AVPR1B: variants seen among roughly 807,000 people sequenced by gnomAD.
AVPR1B encodes the protein vasopressin V1b receptor.
AVPR1B carries 25 observed loss-of-function variants against 27.5 expected under a neutral mutation model. The observed-to-expected ratio is 0.91, with a 90% CI of 0.66 to 1.27. The LOEUF is 1.27. AVPR1B is among the 50% of genes most tolerant of loss of function. The pLI, the probability that AVPR1B is intolerant of heterozygous loss-of-function variation, is 0.00. For synonymous variants in AVPR1B, 248 were observed against 240.2 expected (o/e 1.03, Z -0.30); for missense variants, 595 against 556.9 (o/e 1.07, Z -0.69).
chr1:206,115,557 A>C (rs1396807350), intron 1 of AVPR1B, among the ~76,000 whole-genome samples: 1 of 152,200 alleles, frequency 6.6e-6, no homozygotes, highest in Non-Finnish European at 1.5e-5. Context: ...GCTCAAAGGC[A>C]TGTCCAGGTG....
chr1:206,115,666 A>G (rs1023113958), intron 1 of AVPR1B, among the ~76,000 whole-genome samples: 1 of 152,238 alleles, frequency 6.6e-6, no homozygotes, highest in Non-Finnish European at 1.5e-5. Flanking sequence ...TGGTGGCCAA[A>G]TGTGCTAATG....
In AVPR1B at chr1:206,109,305, G is replaced by C. The variant is rs186217122; in HGVS notation, c.*884C>G. On this transcript the variant is annotated 3_prime_UTR_variant, in exon 2 of 2. Transcript: ENST00000367126. ...CCTTTTCTCAAAGGAGGTCTCCTCT[G>C]TGTAGCCCCCGGGGAAAGAGCAGGC... 6.6e-6 allele frequency among the ~76,000 whole-genome samples: 1 copy of C among 152,118 alleles called. No individual in the cohort carries two copies. The highest frequency in any genetic ancestry group is 2.4e-5 in the African/African-American group (1 of 41,410).
chr1:206,116,105 C>T lies in AVPR1B; in HGVS notation c.786G>A (p.Leu262=), dbSNP rs1663463237. 3 of 1,614,246 alleles carry T rather than the reference C, an allele frequency of 1.9e-6. No homozygotes were observed. The highest frequency in any genetic ancestry group is 1.6e-4 in the Middle Eastern group (1 of 6,062). ...TGTTGATGCTGCTGACCCGAGATGG[C>T]AGCCCCCGAGTGGTGGCAGCTAAGG... The part of the protein sequence containing the change: ...PSTLAATTRG[L]PSRVSSINTI... The change falls in exon 1 of 2, where the codon CTG becomes CTA. Residue 262 remains leucine (L), a synonymous_variant. Coordinates refer to ENST00000367126, the MANE Select transcript of AVPR1B (RefSeq NM_000707.5).
In AVPR1B at chr1:206,117,129, G is replaced by T; in HGVS notation, c.-239C>A. The T allele has an allele frequency of 1.9e-6, 1 of 540,328 alleles. No homozygotes were observed. Among genetic ancestry groups the T allele is most frequent in the African/African-American group, 1.9e-5 (1 of 51,934 alleles). 33.5% of individuals were successfully genotyped at this position (540,328 alleles called of 1,614,324 possible). A position where few individuals can be genotyped will look rare whatever the true frequency, so the allele number is the denominator to read the frequency against. Reference sequence around the variant, plus strand: ...ATCGACCCAGGAGAGGGAGAAGGAGGGGTCAGGAAGATGGGGAATCAGGAC... The same window carrying T: ...ATCGACCCAGGAGAGGGAGAAGGAGTGGTCAGGAAGATGGGGAATCAGGAC... On this transcript the variant is annotated 5_prime_UTR_variant, in exon 1 of 2. Coordinates refer to ENST00000367126, the MANE Select transcript of AVPR1B (RefSeq NM_000707.5).
chr1:206,115,062 C>G (rs1238333428), intron 1 of AVPR1B, among the ~76,000 whole-genome samples: 1 of 152,120 alleles, frequency 6.6e-6, no homozygotes, highest in Non-Finnish European at 1.5e-5. Flanking sequence ...CCTAAAATGA[C>G]CCCATATGAG....
chr1:206,107,212 A>G lies in AVPR1B; in HGVS notation c.*2977T>C, dbSNP rs1663293536. On this transcript the variant is annotated 3_prime_UTR_variant, in exon 2 of 2. Transcript: ENST00000367126. ...GCTTGTACATAGGTTTTAAGGGACT[A>G]AAGTACTGTCATTCACAGTCACAGG... Among the ~76,000 whole-genome samples, 1 of 152,210 alleles carries G rather than the reference A, an allele frequency of 6.6e-6. No individual in the cohort carries two copies. The highest frequency in any genetic ancestry group is 6.5e-5 in the Admixed American group (1 of 15,292).
chr1:206,109,094 T>A lies in AVPR1B; in HGVS notation c.*1095A>T, dbSNP rs566818520. 2.0e-5 allele frequency among the ~76,000 whole-genome samples: 3 copies of A among 152,324 alleles called. No homozygotes were observed. In the East Asian group the frequency reaches 5.8e-4, roughly 29 times the overall value. ...ATGGAAGGTTGGAGTTTAGAGATCA[T>A]CTCACCTATTACACAGGTGAGGAGA... On this transcript the variant is annotated 3_prime_UTR_variant, in exon 2 of 2. Transcript: ENST00000367126.
chr1:206,115,846 G>T, intron 1 of AVPR1B, 105 bp downstream of exon 1: 1 of 1,168,504 alleles, frequency 8.6e-7, no homozygotes, highest in Non-Finnish European at 1.2e-6. Flanking sequence ...TGCCCCACTA[G>T]TTTGTCACCT....
At chr1:206,111,184 T>C (rs1663370834) in intron 1 of AVPR1B, among the ~76,000 whole-genome samples, 1 of 152,184 alleles carries the variant, frequency 6.6e-6, no homozygotes, top group Admixed American at 6.5e-5. Context: ...GGGCAGCTTT[T>C]ACATACTGGG....
At chr1:206,112,868 G>A in intron 1 of AVPR1B, among the ~76,000 whole-genome samples, 1 of 152,240 alleles carries the variant, frequency 6.6e-6, no homozygotes, top group East Asian at 1.9e-4. Flanking sequence ...TCAGTTTCAG[G>A]TATTCCTTTA....
intron 1 of AVPR1B, among the ~76,000 whole-genome samples, chr1:206,111,381 C>G (rs896515546): frequency 2.0e-5 from 3 of 152,216 alleles, no homozygotes; most frequent in African/African-American, 7.2e-5. Context: ...CTCATGTCAG[C>G]AGGAAAGCTG....
In AVPR1B at chr1:206,116,465, G is replaced by T; in HGVS notation, c.426C>A (p.Ser142Arg). The T allele has an allele frequency of 6.2e-7, 1 of 1,613,956 alleles. No individual in the cohort carries two copies. The stretch of plus-strand genomic sequence containing the variant: ...AGGTGGACTGGCCTGGCTGCTGGAG[G>T]CTGCGCAGGGGGTGACAGACAGCCA... ...RYLAVCHPLR[S>R]LQQPGQSTYL... The change falls in exon 1 of 2, where the codon AGC (serine) becomes AGA (arginine). Residue 142 changes from serine (S) to arginine (R), a missense_variant. Ser to Arg is a moderately radical substitution (Grantham distance 110, BLOSUM62 -1). Coordinates refer to ENST00000367126, the MANE Select transcript of AVPR1B (RefSeq NM_000707.5).
At chr1:206,112,280 T>A (rs574484249) in intron 1 of AVPR1B, among the ~76,000 whole-genome samples, 1 of 152,252 alleles carries the variant, frequency 6.6e-6, no homozygotes, top group African/African-American at 2.4e-5. Flanking sequence ...GCCCGCAGTG[T>A]TGGACGTGGG....
chr1:206,116,743 C>T lies in AVPR1B; in HGVS notation c.148G>A (p.Gly50Arg). ...GTCAGCAGCACAGCCAGGTTGCCCC[C>T]GGTCGCCAGCACCAGGACAGTGGCC... is the stretch of plus-strand genomic sequence containing the variant. ...VLATVLVLAT[G>R]GNLAVLLTLG... The change falls in exon 1 of 2, where the codon GGG (glycine) becomes AGG (arginine). Residue 50 changes from glycine (G) to arginine (R), a missense_variant. By Grantham distance (125) the Gly-to-Arg change is moderately radical. Transcript: ENST00000367126. 7 of 1,611,250 alleles carry T rather than the reference C, an allele frequency of 4.3e-6. No individual in the cohort carries two copies. Among genetic ancestry groups the T allele is most frequent in the Non-Finnish European group, 5.1e-6 (6 of 1,178,630 alleles).
rs1483760288 is a variant in AVPR1B at position 206,107,069 on chromosome 1, A to G, written c.*3120T>C. On this transcript the variant is annotated 3_prime_UTR_variant, in exon 2 of 2. Coordinates refer to ENST00000367126, the MANE Select transcript of AVPR1B (RefSeq NM_000707.5). The stretch of plus-strand genomic sequence containing the variant: ...ATCTATTTACATACAAAACACAGAC[A>G]CATTATCTGGGAAAGTACTGGCCTG... Among the ~76,000 whole-genome samples, 3 of 152,204 alleles carry G rather than the reference A, an allele frequency of 2.0e-5. No homozygotes were observed. Among genetic ancestry groups the G allele is most frequent in the Admixed American group, 6.5e-5 (1 of 15,286 alleles).
Position 206,117,147 on chromosome 1 carries a change from A to C in AVPR1B, c.-257T>G. 8.1e-6 allele frequency: 4 copies of C among 494,538 alleles called. No individual in the cohort carries two copies. Among genetic ancestry groups the C allele is most frequent in the Non-Finnish European group, 7.1e-6 (2 of 279,870 alleles). 30.6% of individuals were successfully genotyped at this position (494,538 alleles called of 1,614,324 possible). On this transcript the variant is annotated 5_prime_UTR_variant, in exon 1 of 2. Coordinates refer to ENST00000367126, the MANE Select transcript of AVPR1B (RefSeq NM_000707.5). ...GAAGGAGGGGTCAGGAAGATGGGGA[A>C]TCAGGACGGGAAGAATGGGGGACGC...
Position 206,116,400 on chromosome 1 carries a change from A to C in AVPR1B, c.491T>G (p.Phe164Cys). Residue 164 changes from phenylalanine (F) to cysteine (C), a missense_variant, in exon 1 of 2, where the codon TTC (phenylalanine) becomes TGC (cysteine). Phe to Cys is a radical substitution (Grantham distance 205). Transcript: ENST00000367126. Reference sequence around the variant, plus strand: ...AAAAATGAAGACTTGAGGGAGGCTGAAGATGGCGGCCAGCAGCCAGGGAGC... The same window carrying C: ...AAAAATGAAGACTTGAGGGAGGCTGCAGATGGCGGCCAGCAGCCAGGGAGC... ...IAAPWLLAAIFSLPQVFIFSL... is the reference protein window; with the variant it reads ...IAAPWLLAAICSLPQVFIFSL... 1 of 1,613,954 alleles carries C rather than the reference A, an allele frequency of 6.2e-7. No individual in the cohort carries two copies. Among genetic ancestry groups the C allele is most frequent in the Non-Finnish European group, 8.5e-7 (1 of 1,180,042 alleles).
rs1663306198 is a variant in AVPR1B at position 206,107,937 on chromosome 1, G to A, written c.*2252C>T. On this transcript the variant is annotated 3_prime_UTR_variant, in exon 2 of 2. Coordinates refer to ENST00000367126, the MANE Select transcript of AVPR1B (RefSeq NM_000707.5). Reference sequence around the variant, plus strand: ...TATTTCTATTTAATAAATGAAGAAAGCATTGCTGGGGGAGATTGGATAACT... The same window carrying A: ...TATTTCTATTTAATAAATGAAGAAAACATTGCTGGGGGAGATTGGATAACT... Among the ~76,000 whole-genome samples, 1 of 152,230 alleles carries A rather than the reference G, an allele frequency of 6.6e-6. No homozygotes were observed. The highest frequency in any genetic ancestry group is 2.1e-4 in the South Asian group (1 of 4,834).
rs1553289691 is a variant in AVPR1B, at chr1:206,110,503, T to C, written c.961A>G (p.Thr321Ala). The change falls in exon 2 of 2, where the codon ACC (threonine) becomes GCC (alanine). Residue 321 changes from threonine to alanine, a missense_variant. Coordinates refer to ENST00000367126, the MANE Select transcript of AVPR1B (RefSeq NM_000707.5). Reference protein sequence around the residue: ...PDEDSTNVAFTISMLLGNLNS... With the variant: ...PDEDSTNVAFAISMLLGNLNS... ...AGGTTGCCCAAAAGCATAGAGATGG[T>C]GAAAGCCACATTGGTGGAATCTACC... is the stretch of plus-strand genomic sequence containing the variant. 1.2e-6 allele frequency: 2 copies of C among 1,609,972 alleles called. No homozygotes were observed. The highest frequency in any genetic ancestry group is 2.2e-5 in the South Asian group (2 of 90,788).
Sources: gnomAD v4.1 joint callset for allele counts (sites outside exome capture counted in the v4.1 genomes callset) on GRCh38, gnomAD v4.1.1 for gene constraint, MANE v1.5 for transcripts, NCBI Gene and HGNC (gene_info 2026-07-23, HGNC 2026-07-21) for gene names.